Variants in IGF2BP3 observed in about 807,000 individuals in gnomAD.
IGF2BP3 encodes insulin like growth factor 2 mRNA binding protein 3.
Under a neutral mutation model 73.8 loss-of-function variants are expected in IGF2BP3, and 9 were observed. The observed-to-expected ratio is 0.12, with a 90% CI of 0.07 to 0.21. The LOEUF (loss-of-function observed/expected upper bound fraction) is 0.21. IGF2BP3 is among the 10% of genes least tolerant of loss of function. The pLI, the probability that IGF2BP3 is intolerant of heterozygous loss-of-function variation, is 1.00. For synonymous variants in IGF2BP3, 258 were observed against 256.7 expected (o/e 1.01, Z -0.05); for missense variants, 542 against 714.0 (o/e 0.76, Z 2.75).
At chr7:23,322,702 A>AT (rs1784190947) in intron 10 of IGF2BP3, among the ~76,000 whole-genome samples, 1 of 152,240 alleles carries the variant, frequency 6.6e-6, no homozygotes, top group African/African-American at 2.4e-5. Context: ...AGGGAAGCCC[A>AT]TCAGACTAAC....
chr7:23,398,518 C>T (rs1448561393), intron 3 of IGF2BP3, among the ~76,000 whole-genome samples: 1 of 152,228 alleles, frequency 6.6e-6, no homozygotes, highest in Admixed American at 6.5e-5. Context: ...AACTAGTTTA[C>T]AGTCCCACCA....
intron 3 of IGF2BP3, among the ~76,000 whole-genome samples, chr7:23,376,659 C>T (rs1029668780): frequency 2.0e-5 from 3 of 152,062 alleles, no homozygotes; most frequent in Middle Eastern, 3.4e-3. Flanking sequence ...TTGAGTCCAG[C>T]AATTCAAGAC....
intron 2 of IGF2BP3, among the ~76,000 whole-genome samples, chr7:23,444,495 C>T (rs1021885534): frequency 5.3e-5 from 8 of 152,004 alleles, no homozygotes; most frequent in African/African-American, 2.4e-5. Context: ...AATCCCAGCA[C>T]TTTGGGAGGC....
chr7:23,350,851 G>A lies in IGF2BP3; in HGVS notation c.683+454C>T, dbSNP rs549732693. 4.7e-3 allele frequency among the ~76,000 whole-genome samples: 718 copies of A among 152,246 alleles called. 2 individuals carry two copies. The highest frequency in any genetic ancestry group is 8.0e-3 in the Non-Finnish European group (541 of 68,012). On this transcript the variant is annotated intron_variant, in intron 6 of 14. Transcript: ENST00000258729. ...TTCTAATTACATGGCTTAATCAGAG[G>A]AAAAATTCGGACAAATAAGATGAGC...
In IGF2BP3 at chr7:23,310,637, A is replaced by C. The variant is rs567147088; in HGVS notation, c.*1725T>G. ...AATGCTAGGAGAATCCAGTGACAAAAAGGGCACTTTTTTGGTTAAAACTAC... is the reference window on the plus strand; with the variant it reads ...AATGCTAGGAGAATCCAGTGACAAACAGGGCACTTTTTTGGTTAAAACTAC... On this transcript the variant is annotated 3_prime_UTR_variant, in exon 15 of 15. Transcript: ENST00000258729. The C allele has an allele frequency of 6.6e-6, 1 of 152,346 alleles. No individual in the cohort carries two copies. The highest frequency in any genetic ancestry group is 6.5e-5 in the Admixed American group (1 of 15,298). The allele number at this position is 152,346 out of a possible 1,614,324, so 9.4% of individuals were successfully genotyped here. A position where few individuals can be genotyped will look rare whatever the true frequency, so the allele number is the denominator to read the frequency against.
chr7:23,366,239 G>A (rs1212970217), intron 3 of IGF2BP3, among the ~76,000 whole-genome samples: 2 of 151,852 alleles, frequency 1.3e-5, no homozygotes, highest in East Asian at 1.9e-4. Context: ...CCAGGTTCAA[G>A]CGATTCTCCT....
intron 12 of IGF2BP3, among the ~76,000 whole-genome samples, chr7:23,317,136 C>T (rs1784013343): frequency 6.6e-6 from 1 of 152,184 alleles, no homozygotes; most frequent in African/African-American, 2.4e-5. Flanking sequence ...TCCCACTAAA[C>T]GTGCAATGGT....
chr7:23,357,579 A>T (rs1785126395), intron 5 of IGF2BP3, among the ~76,000 whole-genome samples: 2 of 152,328 alleles, frequency 1.3e-5, no homozygotes, highest in South Asian at 4.1e-4. Context: ...TTATCTCAAC[A>T]TCTCTGGAAG....
At chr7:23,411,695 A>T (rs1408074341) in intron 3 of IGF2BP3, among the ~76,000 whole-genome samples, 2 of 152,238 alleles carry the variant, frequency 1.3e-5, no homozygotes, top group Non-Finnish European at 2.9e-5. Flanking sequence ...GTTGGACAGA[A>T]GATGAATGAC....
At position 23,470,045 on chromosome 7, in the gene IGF2BP3, G is replaced by T. The variant is rs1379822770; in HGVS notation, c.66C>A (p.Phe22Leu). ...NAAPSDLESI[F>L]KDAKIPVSGP... The stretch of plus-strand genomic sequence containing the variant: ...CCGACACCGGGATCTTGGCGTCCTT[G>T]AAGATACTTTCTAGGTCCGAGGGGG... Residue 22 changes from phenylalanine (F) to leucine (L), a missense_variant, in exon 1 of 15, where the codon TTC becomes TTA. By Grantham distance (22) the Phe-to-Leu change is conservative (BLOSUM62 0). This residue lies in a region of IGF2BP3 where 239 missense variants were observed against 241.9 expected (regional missense o/e 0.99). Coordinates refer to ENST00000258729, the MANE Select transcript of IGF2BP3 (RefSeq NM_006547.3). 1.2e-6 allele frequency: 2 copies of T among 1,612,156 alleles called. No individual in the cohort carries two copies. The highest frequency in any genetic ancestry group is 1.7e-6 in the Non-Finnish European group (2 of 1,179,606).
chr7:23,386,246 C>G (rs1008835927), intron 3 of IGF2BP3, among the ~76,000 whole-genome samples: 1 of 152,150 alleles, frequency 6.6e-6, no homozygotes, highest in Non-Finnish European at 1.5e-5. Context: ...CACCTCTAAT[C>G]CCAGCCCTTT....
chr7:23,346,005 A>G lies in IGF2BP3; in HGVS notation c.876T>C (p.Ile292=), dbSNP rs905649266. ...LAHNNFVGRL[I]GKEGRNLKKI... The stretch of plus-strand genomic sequence containing the variant: ...TTTTAAGATTTCTTCCTTCTTTACC[A>G]ATAAGACGTCCAACAAAGTTATTAT... The change falls in exon 8 of 15, where the codon ATT becomes ATC. Residue 292 remains isoleucine (I), a synonymous_variant. Transcript: ENST00000258729. 3.7e-6 allele frequency: 6 copies of G among 1,613,648 alleles called. No homozygotes were observed. In the African/African-American group the frequency reaches 8.0e-5, roughly 22 times the overall value.
intron 3 of IGF2BP3, among the ~76,000 whole-genome samples, chr7:23,398,493 C>T (rs1786552547): frequency 6.6e-6 from 1 of 152,220 alleles, no homozygotes; most frequent in Admixed American, 6.5e-5. Flanking sequence ...GCCACACTGA[C>T]ATCCACAATG....
intron 3 of IGF2BP3, among the ~76,000 whole-genome samples, chr7:23,369,402 G>T (rs571132459): frequency 6.6e-6 from 1 of 152,216 alleles, no homozygotes; most frequent in East Asian, 1.9e-4. Flanking sequence ...ATTACCCTCT[G>T]TCTATAAAAT....
Position 23,334,404 on chromosome 7 carries a change from C to T in IGF2BP3, c.1203+7660G>A, listed in dbSNP as rs964292542. On this transcript the variant is annotated intron_variant, in intron 10 of 14. Coordinates refer to ENST00000258729, the MANE Select transcript of IGF2BP3 (RefSeq NM_006547.3). Reference sequence around the variant, plus strand: ...ACAAGCCTGTGTCAGGATTTGGACACCCCAAATAGGCAGATAATTTAAATT... The same window carrying T: ...ACAAGCCTGTGTCAGGATTTGGACATCCCAAATAGGCAGATAATTTAAATT... 2.6e-5 allele frequency among the ~76,000 whole-genome samples: 4 copies of T among 152,134 alleles called. No homozygotes were observed. The East Asian group carries it at 7.7e-4, about 29-fold the overall frequency.
intron 2 of IGF2BP3, among the ~76,000 whole-genome samples, chr7:23,448,966 T>C (rs1408471581): frequency 6.6e-6 from 1 of 152,128 alleles, no homozygotes; most frequent in Non-Finnish European, 1.5e-5. Flanking sequence ...GCTCAAGCAA[T>C]CCTCTGGGCT....
chr7:23,338,423 A>G (rs1184470691), intron 10 of IGF2BP3, among the ~76,000 whole-genome samples: 1 of 152,196 alleles, frequency 6.6e-6, no homozygotes, highest in Non-Finnish European at 1.5e-5. Flanking sequence ...TGGGAGTCAG[A>G]GGTGGGAGGA....
At chr7:23,322,976 C>T (rs1478972496) in intron 10 of IGF2BP3, among the ~76,000 whole-genome samples, 30 of 152,062 alleles carry the variant, frequency 2.0e-4, no homozygotes, top group Non-Finnish European at 3.1e-4. Flanking sequence ...CATGCCAAAA[C>T]GTAAAGACCA....
At chr7:23,353,992 T>G (rs1169151570) in intron 5 of IGF2BP3, among the ~76,000 whole-genome samples, 1 of 151,888 alleles carries the variant, frequency 6.6e-6, no homozygotes, top group Non-Finnish European at 1.5e-5. Flanking sequence ...CAAAACAGCT[T>G]TATTTATTTA....
Sources: gnomAD v4.1 joint callset for allele counts (sites outside exome capture counted in the v4.1 genomes callset) on GRCh38, gnomAD v4.1.1 for gene constraint, gnomAD v4.1.1 regional missense constraint, MANE v1.5 for transcripts, NCBI Gene and HGNC (gene_info 2026-07-23, HGNC 2026-07-21) for gene names.